Variants in CYTH3 observed in about 807,000 individuals in gnomAD.
CYTH3 encodes cytohesin-3.
CYTH3 carries 23 observed loss-of-function variants against 55.1 expected under a neutral mutation model. The ratio of observed to expected loss-of-function variants is 0.42; its 90% CI spans 0.30 to 0.59. CYTH3 has a LOEUF of 0.59. Ranked by LOEUF, CYTH3 falls within the 20% of genes least tolerant of loss-of-function variation. The pLI is 0.20. For missense variants in CYTH3, 413 were observed against 524.8 expected (o/e 0.79, Z 2.08); for synonymous variants, 249 against 194.9 (o/e 1.28, Z -2.31).
intron 1 of CYTH3, among the ~76,000 whole-genome samples, chr7:6,193,064 G>A (rs1783841057): frequency 6.6e-6 from 1 of 150,792 alleles, no homozygotes; most frequent in Non-Finnish European, 1.5e-5. Flanking sequence ...CCCAGTTACT[G>A]GGGAGGCTGA....
intron 1 of CYTH3, among the ~76,000 whole-genome samples, chr7:6,254,089 G>T (rs1780042460): frequency 6.6e-6 from 1 of 152,140 alleles, no homozygotes; most frequent in Non-Finnish European, 1.5e-5. Context: ...GGGTGAGGCA[G>T]GAGAATCACG....
At position 6,222,965 on chromosome 7, in the gene CYTH3, T is replaced by C. The variant is rs1044073035; in HGVS notation, c.35-32434A>G. 2.0e-5 allele frequency among the ~76,000 whole-genome samples: 3 copies of C among 152,232 alleles called. No individual in the cohort carries two copies. The East Asian group carries it at 5.8e-4, about 29-fold the overall frequency. Reference sequence around the variant, plus strand: ...TCAATCAATCAATAATTAATAAATGTAAAGTGAACTAAACACTTGCTGGCA... The same window carrying C: ...TCAATCAATCAATAATTAATAAATGCAAAGTGAACTAAACACTTGCTGGCA... On this transcript the variant is annotated intron_variant, in intron 1 of 12. Transcript: ENST00000350796.
In CYTH3 at chr7:6,187,043, C is replaced by G. The variant is rs767493445; in HGVS notation, c.249+7G>C. On this transcript the variant is annotated splice_region_variant and intron_variant, in intron 4 of 12. Transcript: ENST00000350796. ...TGCAGGCCAGAAAAGGGAGAGCATT[C>G]TCTTACCTTTTTGGGATCCATGTTG... The G allele has an allele frequency of 6.2e-7, 1 of 1,613,310 alleles. No individual in the cohort carries two copies. Among genetic ancestry groups the G allele is most frequent in the Non-Finnish European group, 8.5e-7 (1 of 1,179,174 alleles).
intron 1 of CYTH3, among the ~76,000 whole-genome samples, chr7:6,245,963 T>C (rs986137474): frequency 2.4e-4 from 37 of 152,070 alleles, no homozygotes; most frequent in African/African-American, 8.5e-4. Flanking sequence ...TCTAAACAAA[T>C]ACATTTCACA....
intron 1 of CYTH3, among the ~76,000 whole-genome samples, chr7:6,237,986 G>A (rs1193557885): frequency 6.6e-6 from 1 of 152,160 alleles, no homozygotes; most frequent in African/African-American, 2.4e-5. Context: ...TACGCAATGA[G>A]TATAGAGTCA....
chr7:6,171,410 T>TC lies in CYTH3; in HGVS notation c.450-97dup. ...GCCCAGCTCAGGAAGGACGTTTTCCTCCCGAGCCTGGGGTACAGCTCTGGC... is the reference window on the plus strand; with the variant it reads ...GCCCAGCTCAGGAAGGACGTTTTCCTCCCCGAGCCTGGGGTACAGCTCTGGC... On this transcript the variant is annotated intron_variant, in intron 6 of 12. Coordinates refer to ENST00000350796, the MANE Select transcript of CYTH3 (RefSeq NM_004227.4). This position sits in a 1 kb window ranked among gnomAD's most constrained non-coding sequence, Gnocchi z 6.7. 1 of 1,135,520 alleles carries TC rather than the reference T, an allele frequency of 8.8e-7. No individual in the cohort carries two copies. Among genetic ancestry groups the TC allele is most frequent in the Non-Finnish European group, 1.3e-6 (1 of 773,070 alleles). The allele number at this position is 1,135,520 out of a possible 1,614,324, so 70.3% of individuals were successfully genotyped here.
chr7:6,170,347 A>C lies in CYTH3; in HGVS notation c.823+188T>G. The C allele has an allele frequency of 1.7e-6, 1 of 593,012 alleles. No individual in the cohort carries two copies. The highest frequency in any genetic ancestry group is 2.9e-6 in the Non-Finnish European group (1 of 341,010). 36.7% of individuals were successfully genotyped at this position (593,012 alleles called of 1,614,324 possible). A position where few individuals can be genotyped will look rare whatever the true frequency, so the allele number is the denominator to read the frequency against. On this transcript the variant is annotated intron_variant, in intron 9 of 12. Transcript: ENST00000350796. This position sits in a 1 kb window ranked among gnomAD's most constrained non-coding sequence, Gnocchi z 7.8. ...ACTCTCTGCCGCGGGCATGGCTCTG[A>C]GGCCCCGGCTCGGAGAAGCAGCCGT... is the stretch of plus-strand genomic sequence containing the variant.
intron 1 of CYTH3, among the ~76,000 whole-genome samples, chr7:6,262,207 C>T (rs924550104): frequency 6.6e-6 from 1 of 152,150 alleles, no homozygotes; most frequent in African/African-American, 2.4e-5. Flanking sequence ...GGACACGACA[C>T]AGAGGGCATG....
At chr7:6,211,274 C>A (rs1469113895) in intron 1 of CYTH3, among the ~76,000 whole-genome samples, 2 of 152,254 alleles carry the variant, frequency 1.3e-5, no homozygotes, top group African/African-American at 4.8e-5. Flanking sequence ...GCTCCCTGCA[C>A]AATCGCTTTC....
chr7:6,198,568 T>C (rs1199969614), intron 1 of CYTH3, among the ~76,000 whole-genome samples: 1 of 152,220 alleles, frequency 6.6e-6, no homozygotes, highest in Non-Finnish European at 1.5e-5. Context: ...TATCTAAGGC[T>C]TGGATTCACT....
intron 1 of CYTH3, among the ~76,000 whole-genome samples, chr7:6,241,118 C>G (rs1171150294): frequency 6.6e-6 from 1 of 151,276 alleles, no homozygotes; most frequent in East Asian, 1.9e-4. Flanking sequence ...TGAGACTCAT[C>G]TCAAAAAAAA....
At chr7:6,165,986 G>A (rs896238050) in intron 9 of CYTH3, among the ~76,000 whole-genome samples, 176 bp from the exon 10 acceptor site, 1 of 152,062 alleles carries the variant, frequency 6.6e-6, no homozygotes, top group Non-Finnish European at 1.5e-5. Flanking sequence ...CACCCACCCC[G>A]CCCACACCGG....
chr7:6,201,441 G>T (rs1012416706), intron 1 of CYTH3, among the ~76,000 whole-genome samples: 1 of 152,136 alleles, frequency 6.6e-6, no homozygotes, highest in Non-Finnish European at 1.5e-5. Flanking sequence ...CCAGGACACT[G>T]GTTCCTTACC....
intron 5 of CYTH3, among the ~76,000 whole-genome samples, chr7:6,174,343 G>A (rs1174560443): frequency 4.0e-5 from 6 of 150,572 alleles, no homozygotes; most frequent in Admixed American, 6.6e-5. Flanking sequence ...TCGAACTCCC[G>A]ACCTCAGGTG....
At chr7:6,272,410 G>GGGGGGGGGGGGCCCCCCCC in intron 1 of CYTH3, 64 bp downstream of exon 1, 1 of 1,216,614 alleles carries the variant, frequency 8.2e-7, no homozygotes, top group Non-Finnish European at 1.1e-6. Flanking sequence ...CCGCGCCCTC[G>GGGGGGGGGGGGCCCCCCCC]ACCCCCAGCC....
chr7:6,206,443 G>A (rs993553239), intron 1 of CYTH3, among the ~76,000 whole-genome samples: 2 of 152,204 alleles, frequency 1.3e-5, no homozygotes, highest in Non-Finnish European at 2.9e-5. Context: ...CAAAACAGTG[G>A]GTAATCTGGG....
At chr7:6,226,355 T>C (rs769601410) in intron 1 of CYTH3, among the ~76,000 whole-genome samples, 12 of 152,192 alleles carry the variant, frequency 7.9e-5, no homozygotes, top group Non-Finnish European at 1.5e-4. Context: ...GATACAGCTG[T>C]AGAACATCTG....
intron 1 of CYTH3, among the ~76,000 whole-genome samples, chr7:6,256,475 G>T (rs1357819200): frequency 2.6e-5 from 4 of 152,220 alleles, no homozygotes; most frequent in African/African-American, 9.6e-5. Context: ...CAAGACTTCT[G>T]AAGTAGATGG....
intron 1 of CYTH3, among the ~76,000 whole-genome samples, chr7:6,191,150 T>G (rs553756018): frequency 4.7e-5 from 7 of 148,692 alleles, no homozygotes; most frequent in Middle Eastern, 4.0e-3. Context: ...AAATGATGAC[T>G]ATGAAAGAAG....
Sources: gnomAD v4.1 joint callset for allele counts (sites outside exome capture counted in the v4.1 genomes callset) on GRCh38, gnomAD v4.1.1 for gene constraint, Gnocchi (gnomAD v3.1) non-coding constraint, MANE v1.5 for transcripts, NCBI Gene and HGNC (gene_info 2026-07-23, HGNC 2026-07-21) for gene names.